The following EML4 variants were observed in gnomAD, a reference collection of about 807,000 sequenced individuals.
EML4 encodes EMAP like 4, also known as echinoderm microtubule-associated protein-like 4.
A neutral mutation model predicts 129.0 loss-of-function variants in EML4; 72 were observed. The observed-to-expected ratio is 0.56, with a 90% CI of 0.46 to 0.68. EML4 has a LOEUF of 0.68. Among genes scored for constraint, EML4 ranks in the 30% least tolerant of loss-of-function variants. The pLI, the probability that EML4 is intolerant of heterozygous loss-of-function variation, is 0.00. For synonymous variants in EML4, 532 were observed against 405.0 expected, an observed-to-expected ratio of 1.31 and a Z score of -3.77; for missense variants, 1,363 against 1,190.6, an observed-to-expected ratio of 1.14 and a Z score of -2.13.
rs1670867246 is a variant in EML4, at chr2:42,180,462, GTA to G, written c.25+10830_25+10831del. Among the ~76,000 whole-genome samples the G allele has an allele frequency of 2.0e-5, 3 of 152,206 alleles. No individual in the cohort carries two copies. In the South Asian group the frequency reaches 6.2e-4, roughly 32 times the overall value. On this transcript the variant is annotated intron_variant, in intron 1 of 22. Transcript: ENST00000318522. ...ACTTGCATTCCATTCCAGATGGTCT[GTA>G]TATGTGCTAAGTGGTGTGCCAGGTG...
At chr2:42,235,297 A>G (rs539973406) in intron 1 of EML4, among the ~76,000 whole-genome samples, 81 of 146,714 alleles carry the variant, frequency 5.5e-4, no homozygotes, top group Middle Eastern at 3.6e-3. Flanking sequence ...CTCCATCTCA[A>G]AAAAAAAAAA....
chr2:42,184,064 C>T (rs574658953), intron 1 of EML4, among the ~76,000 whole-genome samples: 2 of 152,132 alleles, frequency 1.3e-5, no homozygotes, highest in African/African-American at 4.8e-5. Context: ...TTAGTAGTAG[C>T]ACCTATAAGA....
rs539881293 is a variant in EML4 at position 42,259,756 on chromosome 2, G to A, written c.339-1365G>A. On this transcript the variant is annotated intron_variant, in intron 3 of 22. Transcript: ENST00000318522. ...TTTTTTTTTTTTTTTTTGAGACGGC[G>A]TCTCGCTCTGTCACCCAGGCTGGAG... Among the ~76,000 whole-genome samples the A allele has an allele frequency of 5.3e-4, 64 of 121,386 alleles. 1 individual carries two copies. The highest frequency in any genetic ancestry group is 6.9e-3 in the Middle Eastern group (1 of 144). 79.6% of individuals were successfully genotyped at this position (121,386 alleles called of 152,430 possible). A position where few individuals can be genotyped will look rare whatever the true frequency, so the allele number is the denominator to read the frequency against.
intron 19 of EML4, 45 bp downstream of exon 19, chr2:42,317,569 TA>T (rs766516300): frequency 6.7e-5 from 94 of 1,410,474 alleles, no homozygotes; most frequent in Middle Eastern, 1.8e-4. Context: ...TGGGAAATTT[TA>T]CTTCCGTTAA....
chr2:42,323,877 G>C lies in EML4; in HGVS notation c.2155-1590G>C, dbSNP rs557679883. Among the ~76,000 whole-genome samples, 971 of 152,020 alleles carry C rather than the reference G, an allele frequency of 6.4e-3. 6 individuals are homozygous for C. The highest frequency in any genetic ancestry group is 0.01 in the Admixed American group (159 of 15,272). On this transcript the variant is annotated intron_variant, in intron 19 of 22. Coordinates refer to ENST00000318522, the MANE Select transcript of EML4 (RefSeq NM_019063.5). ...GAGGATCACTTGAACCCAGGAGGCG[G>C]AGGTTGCAGTGAGCCAAGATTATGC...
rs145048918 is a variant in EML4 at position 42,267,768 on chromosome 2, C to T, written c.667+3037C>T. Among the ~76,000 whole-genome samples, 40 of 152,266 alleles carry T rather than the reference C, an allele frequency of 2.6e-4. 1 individual carries two copies. The East Asian group carries it at 7.7e-3, about 29-fold the overall frequency. ...GCCACTAAAAAGAGGCTCTTACTGA[C>T]CTATATGTTTATACCCTGAAACCTA... On this transcript the variant is annotated intron_variant, in intron 6 of 22. Coordinates refer to ENST00000318522, the MANE Select transcript of EML4 (RefSeq NM_019063.5).
chr2:42,300,203 T>G (rs2103705248), intron 13 of EML4, among the ~76,000 whole-genome samples: 1 of 152,366 alleles, frequency 6.6e-6, no homozygotes, highest in Middle Eastern at 3.4e-3. Context: ...TTTGGCCATA[T>G]TTCAATAAGG....
rs375707062 is a variant in EML4, at chr2:42,306,484, C to CTTTTTTTTTTT, written c.1967+1949_1967+1959dup. On this transcript the variant is annotated intron_variant, in intron 17 of 22. Coordinates refer to ENST00000318522, the MANE Select transcript of EML4 (RefSeq NM_019063.5). The stretch of plus-strand genomic sequence containing the variant: ...GTGTCTGATGACCTTGTGCTAAATC[C>CTTTTTTTTTTT]TTTTTTTTTTTTTTTTTTTTTTTTT... Among the ~76,000 whole-genome samples, 15 of 74,604 alleles carry CTTTTTTTTTTT rather than the reference C, an allele frequency of 2.0e-4. 2 individuals are homozygous for CTTTTTTTTTTT. Among genetic ancestry groups the CTTTTTTTTTTT allele is most frequent in the East Asian group, 1.7e-3 (3 of 1,796 alleles). 48.9% of individuals were successfully genotyped at this position (74,604 alleles called of 152,430 possible).
intron 20 of EML4, 90 bp downstream of exon 20, chr2:42,325,644 A>C (rs1439756989): frequency 4.6e-6 from 1 of 216,246 alleles, no homozygotes; most frequent in East Asian, 1.1e-4. Context: ...ATATATGCTA[A>C]GATGTGTCTG....
chr2:42,220,543 TC>T (rs1227727139), intron 1 of EML4, among the ~76,000 whole-genome samples: 1 of 152,104 alleles, frequency 6.6e-6, no homozygotes, highest in African/African-American at 2.4e-5. Context: ...TCTGTCTCTC[TC>T]CCTCTCCTCA....
intron 1 of EML4, among the ~76,000 whole-genome samples, chr2:42,240,856 G>C (rs989350993): frequency 6.6e-6 from 1 of 152,088 alleles, no homozygotes; most frequent in Non-Finnish European, 1.5e-5. Context: ...ATAGCAAACA[G>C]ATGGCCGGGC....
chr2:42,291,452 G>A (rs1667635249), intron 11 of EML4, among the ~76,000 whole-genome samples: 1 of 142,290 alleles, frequency 7.0e-6, no homozygotes, highest in African/African-American at 2.7e-5. Flanking sequence ...CCATGCTGGA[G>A]TGCAGTGGCA....
chr2:42,226,681 T>TA (rs1273803491), intron 1 of EML4, among the ~76,000 whole-genome samples: 6 of 138,626 alleles, frequency 4.3e-5, no homozygotes, highest in South Asian at 2.1e-4. Flanking sequence ...TAAAATAAAA[T>TA]AAATAAAATA....
At chr2:42,203,710 G>T (rs1422708802) in intron 1 of EML4, among the ~76,000 whole-genome samples, 4 of 144,366 alleles carry the variant, frequency 2.8e-5, no homozygotes, top group African/African-American at 1.0e-4. Flanking sequence ...TGAACATAAA[G>T]AGGGGAAAAA....
chr2:42,330,189 C>T lies in EML4; in HGVS notation c.2928C>T (p.Asp976=). The change falls in exon 23 of 23, where the codon GAC becomes GAT. Residue 976 remains aspartate (D), a synonymous_variant. Coordinates refer to ENST00000318522, the MANE Select transcript of EML4 (RefSeq NM_019063.5). ...AKATLLEDQQ[D]PSPSS is the part of the protein sequence containing the mutation. ...CCACCCTTCTGGAGGACCAGCAAGA[C>T]CCTTCGCCCTCGTCCTAACACCCTG... 6.2e-7 allele frequency: 1 copy of T among 1,612,624 alleles called. No homozygotes were observed. The highest frequency in any genetic ancestry group is 8.5e-7 in the Non-Finnish European group (1 of 1,179,780).
chr2:42,229,770 C>G (rs949248490), intron 1 of EML4, among the ~76,000 whole-genome samples: 4 of 151,852 alleles, frequency 2.6e-5, no homozygotes, highest in African/African-American at 9.7e-5. Context: ...CCCACTAATG[C>G]GAGAACATCT....
At chr2:42,198,664 G>C (rs150244381) in intron 1 of EML4, among the ~76,000 whole-genome samples, 1 of 152,368 alleles carries the variant, frequency 6.6e-6, no homozygotes, top group Non-Finnish European at 1.5e-5. Context: ...CACATTCTGA[G>C]AAGTATGAGG....
At chr2:42,312,929 A>T (rs947926181) in intron 17 of EML4, among the ~76,000 whole-genome samples, 1 of 143,062 alleles carries the variant, frequency 7.0e-6, no homozygotes, top group Non-Finnish European at 1.5e-5. Context: ...GCCTTTCCCT[A>T]CTGAACCAAT....
Position 42,256,550 on chromosome 2 carries a change from A to G in EML4, c.258A>G (p.Gly86=), listed in dbSNP as rs767451716. ...AVIPMSCITN[G]SGANRKPSHT... ...TTCCCATGTCCTGTATAACCAATGG[A>G]AGTGGTGCAAACAGAAAACCAAGTC... The change falls in exon 3 of 23, where the codon GGA becomes GGG. Residue 86 remains glycine, a synonymous_variant. Transcript: ENST00000318522. 1.3e-5 allele frequency: 21 copies of G among 1,613,754 alleles called. No homozygotes were observed. Among genetic ancestry groups the G allele is most frequent in the Non-Finnish European group, 1.7e-5 (20 of 1,179,832 alleles).
Sources: gnomAD v4.1 joint callset for allele counts (sites outside exome capture counted in the v4.1 genomes callset) on GRCh38, gnomAD v4.1.1 for gene constraint, MANE v1.5 for transcripts, NCBI Gene and HGNC (gene_info 2026-07-23, HGNC 2026-07-21) for gene names.